The following AIG1 variants were observed in gnomAD, a reference collection of about 807,000 sequenced individuals.
AIG1 encodes androgen induced 1.
Under a neutral mutation model 31.4 loss-of-function variants are expected in AIG1, and 23 were observed. The ratio of observed to expected loss-of-function variants is 0.73; its 90% CI spans 0.53 to 1.04. The LOEUF is 1.04. Among genes scored for constraint, AIG1 ranks in the 50% least tolerant of loss-of-function variants. The pLI, the probability that AIG1 is intolerant of heterozygous loss-of-function variation, is 0.00. For missense variants in AIG1, 274 were observed against 295.0 expected, an observed-to-expected ratio of 0.93 and a Z score of 0.52; for synonymous variants, 100 against 110.5, an observed-to-expected ratio of 0.90 and a Z score of 0.60.
intron 3 of AIG1, among the ~76,000 whole-genome samples, chr6:143,229,022 G>A (rs896444749): frequency 1.3e-5 from 2 of 152,192 alleles, no homozygotes; most frequent in African/African-American, 4.8e-5. Flanking sequence ...GGGGCCAGTA[G>A]GAGGAACTGT....
chr6:143,182,871 C>G (rs145924024), intron 3 of AIG1, among the ~76,000 whole-genome samples: 1 of 152,188 alleles, frequency 6.6e-6, no homozygotes, highest in African/African-American at 2.4e-5. Flanking sequence ...TTCATTCTCT[C>G]CTCCCCTTCA....
intron 4 of AIG1, among the ~76,000 whole-genome samples, chr6:143,313,205 G>A (rs1364511536): frequency 6.6e-6 from 1 of 151,786 alleles, no homozygotes; most frequent in African/African-American, 2.4e-5. Flanking sequence ...CACTGCTAGG[G>A]ACCCCAAAAG....
At chr6:143,319,633 A>G (rs1562589882) in intron 4 of AIG1, among the ~76,000 whole-genome samples, 1 of 152,198 alleles carries the variant, frequency 6.6e-6, no homozygotes, top group South Asian at 2.1e-4. Flanking sequence ...ATGAAACATA[A>G]TAATTTTTAA....
chr6:143,260,739 TTAAA>T (rs1362969417), intron 3 of AIG1, among the ~76,000 whole-genome samples: 2 of 152,198 alleles, frequency 1.3e-5, no homozygotes, highest in Non-Finnish European at 2.9e-5. Flanking sequence ...GAATTGAGGC[TTAAA>T]TAAGTTAAAT....
intron 3 of AIG1, among the ~76,000 whole-genome samples, chr6:143,278,727 C>T (rs903249275): frequency 2.0e-5 from 3 of 152,024 alleles, no homozygotes; most frequent in African/African-American, 7.2e-5. Flanking sequence ...CCTCAGCCTC[C>T]CAAAGTGCTG....
intron 1 of AIG1, among the ~76,000 whole-genome samples, chr6:143,130,253 A>C (rs1299463881): frequency 6.6e-6 from 1 of 152,090 alleles, no homozygotes; most frequent in East Asian, 1.9e-4. Context: ...AAAAAATTAA[A>C]GTTATCTTTT....
intron 3 of AIG1, among the ~76,000 whole-genome samples, chr6:143,222,964 C>T (rs1218902777): frequency 6.6e-6 from 1 of 152,174 alleles, no homozygotes; most frequent in Admixed American, 6.5e-5. Context: ...AAAAGGGTAA[C>T]ATTTTCCAAA....
intron 1 of AIG1, among the ~76,000 whole-genome samples, chr6:143,095,722 C>T (rs1779703566): frequency 6.6e-6 from 1 of 151,846 alleles, no homozygotes; most frequent in Non-Finnish European, 1.5e-5. Flanking sequence ...ATGCATATAC[C>T]TCATCTTGTT....
intron 1 of AIG1, among the ~76,000 whole-genome samples, chr6:143,136,039 A>C (rs1053377423): frequency 2.0e-5 from 3 of 152,188 alleles, no homozygotes; most frequent in African/African-American, 7.2e-5. Flanking sequence ...CAATAGTCCA[A>C]GTAAATAAAA....
chr6:143,165,566 C>G (rs1786848581), intron 3 of AIG1, among the ~76,000 whole-genome samples: 1 of 152,214 alleles, frequency 6.6e-6, no homozygotes, highest in Admixed American at 6.5e-5. Context: ...CCACCTGCGC[C>G]TCACATCGTC....
intron 4 of AIG1, among the ~76,000 whole-genome samples, chr6:143,316,631 A>G (rs1389064421): frequency 6.6e-6 from 1 of 152,184 alleles, no homozygotes; most frequent in Non-Finnish European, 1.5e-5. Flanking sequence ...ACCCGGCACA[A>G]GAAAAGAAGT....
intron 1 of AIG1, among the ~76,000 whole-genome samples, chr6:143,086,444 C>G (rs887767980): frequency 7.9e-5 from 12 of 152,104 alleles, no homozygotes; most frequent in African/African-American, 2.9e-4. Context: ...TCACTTTCAT[C>G]CTGATCTGTT....
chr6:143,213,462 AGCACAAGT>A (rs112935266), intron 3 of AIG1, among the ~76,000 whole-genome samples: 9,221 of 148,682 alleles, frequency 0.062, 906 homozygotes, highest in African/African-American at 0.2. Context: ...TTGGGAGAGG[AGCACAAGT>A]GCACAAGTGT....
chr6:143,079,875 C>A (rs1416219790), intron 1 of AIG1, among the ~76,000 whole-genome samples: 1 of 150,958 alleles, frequency 6.6e-6, no homozygotes, highest in African/African-American at 2.4e-5. Flanking sequence ...GGTTGCCACT[C>A]CGTGCTCAAA....
chr6:143,096,186 G>A (rs934328058), intron 1 of AIG1, among the ~76,000 whole-genome samples: 4 of 152,112 alleles, frequency 2.6e-5, no homozygotes, highest in Non-Finnish European at 4.4e-5. Context: ...GATTACAGGC[G>A]TGAGCCACCA....
At chr6:143,182,607 C>T (rs951966250) in intron 3 of AIG1, among the ~76,000 whole-genome samples, 2 of 152,128 alleles carry the variant, frequency 1.3e-5, no homozygotes, top group African/African-American at 4.8e-5. Flanking sequence ...CCTAACCCTG[C>T]TCCCCCTTCC....
intron 1 of AIG1, among the ~76,000 whole-genome samples, chr6:143,136,100 C>T (rs1236358275): frequency 6.6e-6 from 1 of 152,020 alleles, no homozygotes; most frequent in Non-Finnish European, 1.5e-5. Flanking sequence ...GAATGTATAA[C>T]CTGTAGTTTT....
intron 4 of AIG1, among the ~76,000 whole-genome samples, chr6:143,296,046 A>G (rs1269635671): frequency 6.6e-6 from 1 of 152,018 alleles, no homozygotes; most frequent in Non-Finnish European, 1.5e-5. Flanking sequence ...GAAAATGAAT[A>G]TATATTACAC....
chr6:143,151,213 A>G (rs1417919654), intron 2 of AIG1, among the ~76,000 whole-genome samples: 1 of 152,256 alleles, frequency 6.6e-6, no homozygotes, highest in Non-Finnish European at 1.5e-5. Flanking sequence ...TATAATAAGA[A>G]AGCCCCACAG....
Sources: allele counts gnomAD v4.1 joint callset (sites outside exome capture counted in the v4.1 genomes callset), GRCh38; gene constraint gnomAD v4.1.1; transcripts MANE v1.5; gene names NCBI Gene and HGNC (gene_info 2026-07-23, HGNC 2026-07-21).